Variants in ZSCAN2 observed in about 807,000 individuals in gnomAD.
The protein encoded by ZSCAN2 is zinc finger and SCAN domain containing 2.
In ZSCAN2, 26 loss-of-function variants were observed where a neutral mutation model predicts 47.8. The observed-to-expected ratio is 0.54, with a 90% CI of 0.40 to 0.75. The LOEUF is 0.75. Among genes scored for constraint, ZSCAN2 ranks in the 30% least tolerant of loss-of-function variants. The probability of loss-of-function intolerance (pLI) is 0.00; values close to 1 mark genes in which losing one functional copy is unlikely to be tolerated. For synonymous variants in ZSCAN2, 305 were observed against 288.7 expected (o/e 1.06, Z -0.57); for missense variants, 732 against 785.4 (o/e 0.93, Z 0.81).
Position 84,604,208 on chromosome 15 carries a change from C to G in ZSCAN2, c.281C>G (p.Thr94Ser). The G allele has an allele frequency of 6.2e-7, 1 of 1,613,962 alleles. No homozygotes were observed. The highest frequency in any genetic ancestry group is 8.5e-7 in the Non-Finnish European group (1 of 1,179,972). ...CRRWLRPEVH[T>S]KEQMLTMLPK... ...CGCTGGCTGAGACCAGAGGTACACA[C>G]CAAGGAGCAGATGTTAACCATGCTG... The change falls in exon 2 of 3, where the codon ACC (threonine) becomes AGC (serine). Residue 94 changes from threonine to serine, a missense_variant. By Grantham distance (58) the Thr-to-Ser change is moderately conservative. This residue lies in a region of ZSCAN2 where 320 missense variants were observed against 287.4 expected (regional missense o/e 1.11). Transcript: ENST00000546148.
At chr15:84,607,211 T>A (rs1223578409) in intron 2 of ZSCAN2, among the ~76,000 whole-genome samples, 2 of 151,864 alleles carry the variant, frequency 1.3e-5, no homozygotes, top group African/African-American at 4.8e-5. Context: ...ATGCGTGGAG[T>A]TTCTCACCTG....
intron 2 of ZSCAN2, among the ~76,000 whole-genome samples, chr15:84,618,614 T>C (rs887073622): frequency 6.6e-6 from 1 of 150,742 alleles, no homozygotes; most frequent in African/African-American, 2.4e-5. Flanking sequence ...CAGGCCGGAG[T>C]GCAGTGGCGT....
At chr15:84,608,076 T>G (rs1461257046) in intron 2 of ZSCAN2, among the ~76,000 whole-genome samples, 2 of 152,210 alleles carry the variant, frequency 1.3e-5, no homozygotes, top group Non-Finnish European at 2.9e-5. Flanking sequence ...TTGTCTTATT[T>G]CTTCTAGGAA....
intron 1 of ZSCAN2, chr15:84,602,033 A>G (rs1895220312): frequency 7.2e-6 from 1 of 138,342 alleles, no homozygotes; most frequent in Non-Finnish European, 1.5e-5. Flanking sequence ...CGCTCACCGC[A>G]TCCTCTGCCT....
Position 84,604,044 on chromosome 15 carries a change from C to T in ZSCAN2, c.117C>T (p.Ser39=), listed in dbSNP as rs1443336205. 1 of 1,614,020 alleles carries T rather than the reference C, an allele frequency of 6.2e-7. No individual in the cohort carries two copies. Among genetic ancestry groups the T allele is most frequent in the African/African-American group, 1.3e-5 (1 of 74,914 alleles). The change falls in exon 2 of 3, where the codon TCC becomes TCT. Residue 39 remains serine, a synonymous_variant. Transcript: ENST00000546148. ...CCACCATGATCCTGGAGGATGACTC[C>T]TGGGTGCAAGAAGCTGTGCTGCAGG... ...EVTTMILEDD[S]WVQEAVLQED...
chr15:84,612,441 T>C (rs1453417499), intron 2 of ZSCAN2, among the ~76,000 whole-genome samples: 1 of 152,184 alleles, frequency 6.6e-6, no homozygotes, highest in Admixed American at 6.5e-5. Context: ...AATGTAGAAA[T>C]GACCTTCTAA....
chr15:84,611,854 T>C (rs1033197806), intron 2 of ZSCAN2: 1 of 152,218 alleles, frequency 6.6e-6, no homozygotes, highest in African/African-American at 2.4e-5. Context: ...CATCTACTCA[T>C]ATCCACAGAA....
rs753809090 is a variant in ZSCAN2 at position 84,604,014 on chromosome 15, G to A, written c.87G>A (p.Glu29=). Reference sequence around the variant, plus strand: ...AAGAGGAAGATAGACAGGAGGAGGAGGTCACCACCATGATCCTGGAGGATG... The same window carrying A: ...AAGAGGAAGATAGACAGGAGGAGGAAGTCACCACCATGATCCTGGAGGATG... ...VPQEEDRQEE[E]VTTMILEDDS... The change falls in exon 2 of 3, where the codon GAG becomes GAA. Residue 29 remains glutamate (E), a synonymous_variant. Transcript: ENST00000546148. 1.9e-6 allele frequency: 3 copies of A among 1,614,098 alleles called. No individual in the cohort carries two copies. The highest frequency in any genetic ancestry group is 2.2e-5 in the East Asian group (1 of 44,868).
intron 2 of ZSCAN2, among the ~76,000 whole-genome samples, chr15:84,612,862 T>C (rs1441441596): frequency 6.6e-6 from 1 of 152,244 alleles, no homozygotes; most frequent in East Asian, 1.9e-4. Context: ...GACTTGACAT[T>C]TAAAAGAAGA....
At chr15:84,611,825 C>T (rs1306832361) in intron 2 of ZSCAN2, 1 of 152,222 alleles carries the variant, frequency 6.6e-6, no homozygotes, top group Non-Finnish European at 1.5e-5. Context: ...AGCCTGCTTC[C>T]TTAGAAGCCG....
chr15:84,615,099 A>T (rs1056450313), intron 2 of ZSCAN2: 2 of 152,098 alleles, frequency 1.3e-5, no homozygotes, highest in African/African-American at 4.8e-5. Flanking sequence ...GACTACAGGC[A>T]TCTGTCACCA....
chr15:84,615,956 C>T (rs1172041651), intron 2 of ZSCAN2, among the ~76,000 whole-genome samples: 1 of 151,948 alleles, frequency 6.6e-6, no homozygotes, highest in Non-Finnish European at 1.5e-5. Flanking sequence ...ATAGTAATTC[C>T]TTGGGCCGGG....
Position 84,620,987 on chromosome 15 carries a change from T to G in ZSCAN2, c.792T>G (p.Asn264Lys). Residue 264 changes from asparagine to lysine, a missense_variant, in exon 3 of 3, where the codon AAT (asparagine) becomes AAG (lysine). Physicochemically the swap from Asn to Lys is moderately conservative, Grantham distance 94. Around this residue, in one of 2 missense-constraint regions of ZSCAN2, gnomAD observed 412 missense variants for 498.0 expected, o/e 0.83. Transcript: ENST00000546148. Reference sequence around the variant, plus strand: ...GAAAAAGCTTTAGTGATGGTTCAAATTTTAGTAGACACCAAACCACTCACA... The same window carrying G: ...GAAAAAGCTTTAGTGATGGTTCAAAGTTTAGTAGACACCAAACCACTCACA... ...ECGKSFSDGS[N>K]FSRHQTTHTG... 2 of 1,613,318 alleles carry G rather than the reference T, an allele frequency of 1.2e-6. No homozygotes were observed. Among genetic ancestry groups the G allele is most frequent in the Non-Finnish European group, 1.7e-6 (2 of 1,179,832 alleles).
chr15:84,616,435 C>A (rs1895696690), intron 2 of ZSCAN2: 1 of 1,570,138 alleles, frequency 6.4e-7, no homozygotes, highest in Non-Finnish European at 8.6e-7. Context: ...TGATTTTCTG[C>A]CTGAGCTTTC....
chr15:84,621,459 G>T lies in ZSCAN2; in HGVS notation c.1264G>T (p.Glu422Ter). Residue 422 changes from glutamate to a stop codon, truncating the protein, a stop_gained, in exon 3 of 3, where the codon GAG becomes TAG. Coordinates refer to ENST00000546148, the MANE Select transcript of ZSCAN2 (RefSeq NM_181877.4). LOFTEE classifies it high-confidence loss of function. The surrounding 1 kb of genome is among the most constrained non-coding windows in gnomAD (Gnocchi z 5.7). ...AGGAGAGAAACCCTACCAGTGCAGC[G>T]AGTGTGGGAAAAGCTTCAGCCGCAG... ...HTGEKPYQCS[E>*]CGKSFSRSSN... 6.2e-7 allele frequency: 1 copy of T among 1,614,080 alleles called. No homozygotes were observed. Among genetic ancestry groups the T allele is most frequent in the Non-Finnish European group, 8.5e-7 (1 of 1,180,024 alleles).
intron 1 of ZSCAN2, 145 bp downstream of exon 1, chr15:84,601,280 C>T (rs959621166): frequency 2.0e-5 from 3 of 152,232 alleles, no homozygotes; most frequent in Admixed American, 1.3e-4. Context: ...GGCCCTGCAG[C>T]CCCGATTTAC....
In ZSCAN2 at chr15:84,620,873, G is replaced by A. The variant is rs1310875067; in HGVS notation, c.678G>A (p.Gln226=). 6.2e-7 allele frequency: 1 copy of A among 1,614,118 alleles called. No homozygotes were observed. The highest frequency in any genetic ancestry group is 1.3e-5 in the African/African-American group (1 of 75,032). ...GGGAGAAGCCCTACGAATGTCCCCA[G>A]TGTGGGAAGACCTTCAGCCGGAAAT... is the stretch of plus-strand genomic sequence containing the variant. ...YLGEKPYECP[Q]CGKTFSRKSH... is the part of the protein sequence containing the mutation. The change falls in exon 3 of 3, where the codon CAG becomes CAA. Residue 226 remains glutamine (Q), a synonymous_variant. Transcript: ENST00000546148.
rs1372783534 is a variant in ZSCAN2, at chr15:84,622,852, G to A, written c.*812G>A. 4.0e-5 allele frequency: 24 copies of A among 602,088 alleles called. No individual in the cohort carries two copies. In the Admixed American group the frequency reaches 7.4e-4, roughly 19 times the overall value. The allele number at this position is 602,088 out of a possible 1,614,324, so 37.3% of individuals were successfully genotyped here. On this transcript the variant is annotated 3_prime_UTR_variant, in exon 3 of 3. Coordinates refer to ENST00000546148, the MANE Select transcript of ZSCAN2 (RefSeq NM_181877.4). ...TTCTCGTGGGGTTTTGTCCTGGAGA[G>A]TGTAGTGAAGTCCGAGAGCCCTAGC...
intron 2 of ZSCAN2, chr15:84,606,803 A>G (rs993321595): frequency 1.5e-6 from 2 of 1,302,030 alleles, no homozygotes; most frequent in African/African-American, 1.5e-5. Flanking sequence ...TCCCAGACAC[A>G]TGGGTTTGTC....
Sources: gnomAD v4.1 joint callset for allele counts (sites outside exome capture counted in the v4.1 genomes callset) on GRCh38, gnomAD v4.1.1 for gene constraint, gnomAD v4.1.1 regional missense constraint, Gnocchi (gnomAD v3.1) non-coding constraint, MANE v1.5 for transcripts, NCBI Gene and HGNC (gene_info 2026-07-23, HGNC 2026-07-21) for gene names.